EPHA7: variants seen among roughly 807,000 people sequenced by gnomAD.
EPHA7 encodes EPH receptor A7, also known as ephrin type-A receptor 7.
In EPHA7, 25 loss-of-function variants were observed where a neutral mutation model predicts 112.6. That is an observed-to-expected ratio of 0.22 (90% CI 0.16 to 0.31). The LOEUF (loss-of-function observed/expected upper bound fraction) is 0.31. Ranked by LOEUF, EPHA7 falls within the 10% of genes least tolerant of loss-of-function variation. The pLI, the probability that EPHA7 is intolerant of heterozygous loss-of-function variation, is 1.00. For missense variants in EPHA7, 962 were observed against 1,212.6 expected (o/e 0.79, Z 3.07); for synonymous variants, 437 against 406.5 (o/e 1.07, Z -0.90).
intron 1 of EPHA7, among the ~76,000 whole-genome samples, chr6:93,415,054 A>T (rs1164280297): frequency 6.6e-6 from 1 of 152,042 alleles, no homozygotes; most frequent in African/African-American, 2.4e-5. Flanking sequence ...TATGTGATAC[A>T]TTAATTCCAC....
intron 3 of EPHA7, among the ~76,000 whole-genome samples, chr6:93,359,874 G>GAGAGAGAGAGAGAGAGAGAGAGAGAT (rs1462833873): frequency 5.5e-5 from 7 of 127,846 alleles, no homozygotes; most frequent in Non-Finnish European, 1.0e-4. Flanking sequence ...GAGAGAGAGA[G>GAGAGAGAGAGAGAGAGAGAGAGAGAT]AGATAGATAG....
Position 93,254,694 on chromosome 6 carries a change from C to A in EPHA7, c.2485G>T (p.Val829Phe). 1 of 1,613,598 alleles carries A rather than the reference C, an allele frequency of 6.2e-7. No homozygotes were observed. Among genetic ancestry groups the A allele is most frequent in the South Asian group, 1.1e-5 (1 of 91,050 alleles). The change falls in exon 14 of 17, where the codon GTT (valine) becomes TTT (phenylalanine). Residue 829 changes from valine to phenylalanine, a missense_variant. Physicochemically the swap from Val to Phe is conservative, Grantham distance 50. Transcript: ENST00000369303. ...TAAGGTCTTTCTCCATAAGACATAA[C>A]TTCCCACATGACTATTCCATAGCTC... ...VWSYGIVMWE[V>F]MSYGERPYWD...
intron 4 of EPHA7, among the ~76,000 whole-genome samples, chr6:93,357,944 G>A (rs924887367): frequency 6.6e-6 from 1 of 152,088 alleles, no homozygotes; most frequent in African/African-American, 2.4e-5. Flanking sequence ...ACAGGCATGA[G>A]CCACCCTGCC....
intron 6 of EPHA7, among the ~76,000 whole-genome samples, chr6:93,270,870 A>G (rs1346385943): frequency 6.6e-6 from 1 of 151,834 alleles, no homozygotes; most frequent in Non-Finnish European, 1.5e-5. Context: ...AATACAATAC[A>G]ATATTATTAT....
intron 3 of EPHA7, among the ~76,000 whole-genome samples, chr6:93,378,008 T>C (rs1029976143): frequency 6.7e-6 from 1 of 150,316 alleles, no homozygotes; most frequent in East Asian, 2.0e-4. Context: ...ACCATTCTAA[T>C]AAAGCATTAG....
intron 3 of EPHA7, among the ~76,000 whole-genome samples, chr6:93,403,325 T>C (rs1388399502): frequency 6.6e-6 from 1 of 150,674 alleles, no homozygotes; most frequent in Non-Finnish European, 1.5e-5. Context: ...GCTAAGGTGG[T>C]GTAAGAAACT....
At chr6:93,350,858 C>T (rs1052994855) in intron 5 of EPHA7, among the ~76,000 whole-genome samples, 2 of 151,938 alleles carry the variant, frequency 1.3e-5, no homozygotes, top group African/African-American at 4.8e-5. Flanking sequence ...AAAAACACTC[C>T]GGTTTCCCCG....
intron 5 of EPHA7, among the ~76,000 whole-genome samples, chr6:93,356,028 C>T (rs952917465): frequency 6.6e-6 from 1 of 152,014 alleles, no homozygotes; most frequent in African/African-American, 2.4e-5. Context: ...ACAATGAAGC[C>T]AACTCTTTCA....
chr6:93,399,660 C>G (rs1778343922), intron 3 of EPHA7, among the ~76,000 whole-genome samples: 1 of 151,910 alleles, frequency 6.6e-6, no homozygotes, highest in Non-Finnish European at 1.5e-5. Context: ...GTTTTCCCCT[C>G]TTGTTGGCTC....
rs1769754794 is a variant in EPHA7 at position 93,243,116 on chromosome 6, T to C, written c.*310A>G. On this transcript the variant is annotated 3_prime_UTR_variant, in exon 17 of 17. Coordinates refer to ENST00000369303, the MANE Select transcript of EPHA7 (RefSeq NM_004440.4). ...AATATATTCTTTCTTAAATTCTTTA[T>C]GTACATTTTAAAAAGTCTATAAGAC... The C allele has an allele frequency of 7.7e-6, 2 of 258,158 alleles. No homozygotes were observed. The highest frequency in any genetic ancestry group is 1.1e-4 in the Admixed American group (2 of 18,686). 16.0% of individuals were successfully genotyped at this position (258,158 alleles called of 1,614,324 possible).
intron 5 of EPHA7, among the ~76,000 whole-genome samples, chr6:93,315,317 G>C (rs1773756581): frequency 6.6e-6 from 1 of 151,962 alleles, no homozygotes; most frequent in Non-Finnish European, 1.5e-5. Context: ...ACAAAAACTA[G>C]GGTAATTTCT....
intron 5 of EPHA7, among the ~76,000 whole-genome samples, chr6:93,353,995 A>T (rs1246903591): frequency 2.6e-5 from 4 of 152,142 alleles, no homozygotes; most frequent in Admixed American, 2.6e-4. Context: ...CTGACTCTCT[A>T]AGCTTTCCCA....
intron 5 of EPHA7, among the ~76,000 whole-genome samples, chr6:93,295,881 C>T (rs114894540): frequency 2.0e-5 from 3 of 151,910 alleles, no homozygotes; most frequent in African/African-American, 7.2e-5. Context: ...TAACTTCATC[C>T]TCAAATAATT....
chr6:93,394,400 T>C (rs2127983698), intron 3 of EPHA7, among the ~76,000 whole-genome samples: 1 of 151,814 alleles, frequency 6.6e-6, no homozygotes, highest in South Asian at 2.1e-4. Context: ...ATAATTTCTC[T>C]GTGGTCTTTG....
chr6:93,243,814 C>T (rs1464065398), intron 16 of EPHA7, among the ~76,000 whole-genome samples: 1 of 151,956 alleles, frequency 6.6e-6, no homozygotes, highest in Non-Finnish European at 1.5e-5. Context: ...TTATTAAAGT[C>T]TTAAAACTAT....
intron 5 of EPHA7, among the ~76,000 whole-genome samples, chr6:93,323,983 G>C (rs1381217787): frequency 1.3e-5 from 2 of 151,518 alleles, no homozygotes; most frequent in South Asian, 2.1e-4. Flanking sequence ...CTACCTCCAA[G>C]TATTATCAGT....
intron 3 of EPHA7, among the ~76,000 whole-genome samples, chr6:93,387,149 G>T (rs1435445015): frequency 1.3e-5 from 2 of 151,730 alleles, no homozygotes; most frequent in Non-Finnish European, 2.9e-5. Context: ...TTCCAAACTT[G>T]TATGCTCTGT....
At chr6:93,333,085 T>A (rs1774679146) in intron 5 of EPHA7, among the ~76,000 whole-genome samples, 1 of 151,752 alleles carries the variant, frequency 6.6e-6, no homozygotes, top group Non-Finnish European at 1.5e-5. Context: ...CTTCTTTGTG[T>A]CTCTCTGTAC....
chr6:93,409,884 T>C (rs1778890954), intron 3 of EPHA7: 1 of 143,684 alleles, frequency 7.0e-6, no homozygotes, highest in Non-Finnish European at 1.5e-5. Context: ...TTCACAAAAA[T>C]GTGGTCATTT....
Sources: gnomAD v4.1 joint callset for allele counts (sites outside exome capture counted in the v4.1 genomes callset) on GRCh38, gnomAD v4.1.1 for gene constraint, MANE v1.5 for transcripts, NCBI Gene and HGNC (gene_info 2026-07-23, HGNC 2026-07-21) for gene names.